BICRA: variants seen among roughly 807,000 people sequenced by gnomAD.
BICRA encodes the protein BRD4-interacting chromatin-remodeling complex-associated protein.
BICRA carries 31 observed loss-of-function variants against 96.9 expected under a neutral mutation model. The observed-to-expected ratio is 0.32, with a 90% CI of 0.24 to 0.43. BICRA has a LOEUF of 0.43. Ranked by LOEUF, BICRA falls within the 20% of genes least tolerant of loss-of-function variation. The probability of loss-of-function intolerance (pLI) is 1.00; values close to 1 mark genes in which losing one functional copy is unlikely to be tolerated. For synonymous variants in BICRA, 1,350 were observed against 1,071.8 expected (o/e 1.26, Z -5.07); for missense variants, 2,283 against 2,190.3 (o/e 1.04, Z -0.84).
chr19:47,633,340 A>C (rs1284855498), intron 1 of BICRA, among the ~76,000 whole-genome samples: 1 of 152,014 alleles, frequency 6.6e-6, no homozygotes, highest in Non-Finnish European at 1.5e-5. Flanking sequence ...TTGGCCTCCC[A>C]AAGTGCTGGG....
At chr19:47,684,011 C>T (rs562957597) in intron 7 of BICRA, among the ~76,000 whole-genome samples, 3 of 152,274 alleles carry the variant, frequency 2.0e-5, no homozygotes, top group South Asian at 2.1e-4. Flanking sequence ...TGACCTCGAA[C>T]GGCCATGGTT....
At chr19:47,637,121 T>C (rs1331832985) in intron 1 of BICRA, among the ~76,000 whole-genome samples, 2 of 151,964 alleles carry the variant, frequency 1.3e-5, no homozygotes, top group Non-Finnish European at 2.9e-5. Flanking sequence ...TTTATTTTAT[T>C]TTATTTATTT....
chr19:47,623,271 C>T (rs1286623467), intron 1 of BICRA, among the ~76,000 whole-genome samples: 1 of 152,142 alleles, frequency 6.6e-6, no homozygotes, highest in Non-Finnish European at 1.5e-5. Flanking sequence ...TCTCCTCCTG[C>T]TGCTTTTCCT....
intron 1 of BICRA, among the ~76,000 whole-genome samples, chr19:47,626,723 T>G (rs996818306): frequency 2.8e-5 from 4 of 142,228 alleles, no homozygotes; most frequent in Non-Finnish European, 4.6e-5. Flanking sequence ...CTGGGTTTTT[T>G]TTTTTTTTTT....
At chr19:47,626,977 C>A (rs1052459443) in intron 1 of BICRA, among the ~76,000 whole-genome samples, 19 of 152,110 alleles carry the variant, frequency 1.2e-4, no homozygotes, top group African/African-American at 4.3e-4. Flanking sequence ...CCGTCTTGGC[C>A]TCCCAGAGTG....
chr19:47,622,495 C>T (rs1222769297), intron 1 of BICRA, among the ~76,000 whole-genome samples: 11 of 143,878 alleles, frequency 7.6e-5, no homozygotes, highest in East Asian at 2.2e-4. Context: ...GAGGCTGAGG[C>T]GGGCAGATCA....
At chr19:47,667,814 C>A (rs370935384) in intron 1 of BICRA, among the ~76,000 whole-genome samples, 86 of 152,288 alleles carry the variant, frequency 5.6e-4, no homozygotes, top group African/African-American at 2.0e-3. Flanking sequence ...CCCAGCCTCG[C>A]GATAGTGCCT....
At chr19:47,616,006 C>T (rs1463063416) in intron 1 of BICRA, 1 of 152,368 alleles carries the variant, frequency 6.6e-6, no homozygotes, top group Non-Finnish European at 1.5e-5. Flanking sequence ...TGAAAGGTCC[C>T]CATTGTCTTC....
Position 47,676,185 on chromosome 19 carries a change from C to T in BICRA, c.150+269C>T, listed in dbSNP as rs143338150. 2.9e-3 allele frequency among the ~76,000 whole-genome samples: 436 copies of T among 152,190 alleles called. 4 individuals are homozygous for T. Among genetic ancestry groups the T allele is most frequent in the African/African-American group, 0.01 (420 of 41,518 alleles). ...GGTGAGGGTCCCCGAGGCCTTGGGG[C>T]CCTGGGGTGGCTCATGCAGAGTGGT... On this transcript the variant is annotated intron_variant, in intron 5 of 14. Transcript: ENST00000594866.
At chr19:47,693,116 T>C (rs1973265371) in intron 7 of BICRA, among the ~76,000 whole-genome samples, 1 of 152,216 alleles carries the variant, frequency 6.6e-6, no homozygotes, top group Non-Finnish European at 1.5e-5. Flanking sequence ...CATGAGCTGT[T>C]ACTAGGATGC....
At chr19:47,673,904 G>A in intron 4 of BICRA, 142 bp downstream of exon 4, 1 of 739,676 alleles carries the variant, frequency 1.4e-6, no homozygotes, top group Non-Finnish European at 2.4e-6. Context: ...TTACGGCCAT[G>A]AGCAAAACTC....
In BICRA at chr19:47,695,438, C is replaced by G. The variant is rs375417388; in HGVS notation, c.3150C>G (p.Ala1050=). 3.9e-5 allele frequency: 63 copies of G among 1,596,242 alleles called. No homozygotes were observed. The African/African-American group carries it at 8.2e-4, about 21-fold the overall frequency. ...TCCCGACCCTGAATGTGGCCAAGGC[C>G]GCTTCCTCCGGGCCAGGGAAGCCCT... The part of the protein sequence containing the change: ...SNLPTLNVAK[A]ASSGPGKPSG... The change falls in exon 10 of 15, where the codon GCC becomes GCG. Residue 1050 remains alanine, a synonymous_variant. Coordinates refer to ENST00000594866, the MANE Select transcript of BICRA (RefSeq NM_001394372.1).
At chr19:47,643,773 G>T (rs1005305772) in intron 1 of BICRA, among the ~76,000 whole-genome samples, 1 of 152,188 alleles carries the variant, frequency 6.6e-6, no homozygotes, top group African/African-American at 2.4e-5. Flanking sequence ...GGCCCCGGAA[G>T]CATGGGCAAT....
Position 47,679,844 on chromosome 19 carries a change from C to T in BICRA, c.674C>T (p.Ala225Val). The T allele has an allele frequency of 1.3e-6, 2 of 1,489,348 alleles. No individual in the cohort carries two copies. Among genetic ancestry groups the T allele is most frequent in the African/African-American group, 1.4e-5 (1 of 70,374 alleles). 92.3% of individuals were successfully genotyped at this position (1,489,348 alleles called of 1,614,324 possible). Residue 225 changes from alanine (A) to valine (V), a missense_variant, in exon 6 of 15, where the codon GCC becomes GTC. Coordinates refer to ENST00000594866, the MANE Select transcript of BICRA (RefSeq NM_001394372.1). Reference sequence around the variant, plus strand: ...CTGCCCAATGGCAGCCCTGGGGGTGCCACGGCGGCCACACTGGGCCTGGCG... The same window carrying T: ...CTGCCCAATGGCAGCCCTGGGGGTGTCACGGCGGCCACACTGGGCCTGGCG... The part of the protein sequence containing the change: ...QGLPNGSPGG[A>V]TAATLGLAPI...
chr19:47,638,494 C>A (rs940452775), intron 1 of BICRA, among the ~76,000 whole-genome samples: 10 of 152,150 alleles, frequency 6.6e-5, no homozygotes, highest in African/African-American at 2.4e-4. Context: ...CCACCTATAC[C>A]CACGTCCTCT....
At chr19:47,673,656 C>T (rs1219587591) in intron 3 of BICRA, 41 bp downstream of exon 3, 2 of 1,522,376 alleles carry the variant, frequency 1.3e-6, no homozygotes, top group East Asian at 2.3e-5. Flanking sequence ...CTGTCTCAAC[C>T]CCCTCCCTTC....
At chr19:47,658,500 C>T (rs969550395) in intron 1 of BICRA, among the ~76,000 whole-genome samples, 17 of 151,912 alleles carry the variant, frequency 1.1e-4, no homozygotes, top group African/African-American at 4.1e-4. Flanking sequence ...GGCGTGGTGG[C>T]GAGTGCCTAT....
intron 1 of BICRA, among the ~76,000 whole-genome samples, chr19:47,638,785 G>T (rs912306676): frequency 2.6e-5 from 4 of 152,064 alleles, no homozygotes; most frequent in Non-Finnish European, 5.9e-5. Flanking sequence ...CTCCCAAGTA[G>T]CTGGGATTAC....
In BICRA at chr19:47,694,572, A is replaced by G; in HGVS notation, c.2741A>G (p.Gln914Arg). 1 of 1,581,096 alleles carries G rather than the reference A, an allele frequency of 6.3e-7. No individual in the cohort carries two copies. The highest frequency in any genetic ancestry group is 8.6e-7 in the Non-Finnish European group (1 of 1,163,028). ...TTCCAGCTCCAGTTCCCACCCAGCCAGGGGCCCCACAAGTCCCCCACTCCC... is the reference window on the plus strand; with the variant it reads ...TTCCAGCTCCAGTTCCCACCCAGCCGGGGGCCCCACAAGTCCCCCACTCCC... Reference protein sequence around the residue: ...SDFQLQFPPSQGPHKSPTPPP... With the variant: ...SDFQLQFPPSRGPHKSPTPPP... Residue 914 changes from glutamine to arginine, a missense_variant, in exon 8 of 15, where the codon CAG (glutamine) becomes CGG (arginine). Gln to Arg is a conservative substitution (Grantham distance 43). Transcript: ENST00000594866.
Sources: allele counts gnomAD v4.1 joint callset (sites outside exome capture counted in the v4.1 genomes callset), GRCh38; gene constraint gnomAD v4.1.1; transcripts MANE v1.5; gene names NCBI Gene and HGNC (gene_info 2026-07-23, HGNC 2026-07-21).